Variants in AP3S1 observed in about 807,000 individuals in gnomAD.
AP3S1 encodes AP-3 complex subunit sigma-1.
AP3S1 carries 12 observed loss-of-function variants against 21.3 expected under a neutral mutation model. That is an observed-to-expected ratio of 0.56 (90% CI 0.36 to 0.91). The LOEUF (loss-of-function observed/expected upper bound fraction) is 0.91, where lower values mean the gene tolerates loss of function less well. AP3S1 is among the 40% of genes least tolerant of loss of function. The pLI is 0.01. For synonymous variants in AP3S1, 48 were observed against 78.4 expected (o/e 0.61, Z 2.05); for missense variants, 116 against 225.0 (o/e 0.52, Z 3.10).
intron 1 of AP3S1, among the ~76,000 whole-genome samples, chr5:115,854,040 T>C (rs1384213115): frequency 6.6e-6 from 1 of 152,130 alleles, no homozygotes; most frequent in Non-Finnish European, 1.5e-5. Context: ...CCACGTGTGG[T>C]GAGGGCCTTC....
chr5:115,898,940 G>A (rs910715465), intron 4 of AP3S1, among the ~76,000 whole-genome samples: 11 of 152,206 alleles, frequency 7.2e-5, no homozygotes, highest in Non-Finnish European at 1.2e-4. Context: ...GGGTGGCCCC[G>A]TGTTGTTGCC....
At chr5:115,887,919 A>G (rs1749940749) in intron 3 of AP3S1, among the ~76,000 whole-genome samples, 1 of 152,166 alleles carries the variant, frequency 6.6e-6, no homozygotes, top group African/African-American at 2.4e-5. Flanking sequence ...TATAACTAGA[A>G]TAGCATGGGA....
rs1457025622 is a variant in AP3S1, at chr5:115,841,936, G to C, written c.-102G>C. 39 of 1,504,392 alleles carry C rather than the reference G, an allele frequency of 2.6e-5. No homozygotes were observed. Among genetic ancestry groups the C allele is most frequent in the Non-Finnish European group, 3.3e-5 (37 of 1,126,906 alleles). 93.2% of individuals were successfully genotyped at this position (1,504,392 alleles called of 1,614,324 possible). A position where few individuals can be genotyped will look rare whatever the true frequency, so the allele number is the denominator to read the frequency against. ...GGAGCGCGCGCGGTCGCGTGCGGGA[G>C]GGGGCGGGTGGGGAAGGATCGCAGG... On this transcript the variant is annotated 5_prime_UTR_variant, in exon 1 of 6. Transcript: ENST00000316788.
chr5:115,866,937 A>G (rs1292827846), intron 2 of AP3S1, among the ~76,000 whole-genome samples, 176 bp downstream of exon 2: 4 of 152,132 alleles, frequency 2.6e-5, no homozygotes, highest in African/African-American at 9.6e-5. Flanking sequence ...AAGATATGCA[A>G]TCTTTTTTCC....
At chr5:115,894,368 A>T (rs1045425889) in intron 3 of AP3S1, among the ~76,000 whole-genome samples, 1 of 152,164 alleles carries the variant, frequency 6.6e-6, no homozygotes, top group African/African-American at 2.4e-5. Flanking sequence ...TATAAATCAC[A>T]TTATTAACAT....
intron 3 of AP3S1, among the ~76,000 whole-genome samples, chr5:115,884,389 C>T (rs761920528): frequency 3.9e-5 from 6 of 152,128 alleles, no homozygotes; most frequent in Non-Finnish European, 7.4e-5. Context: ...CATGGTGAAA[C>T]CCCGTCTCTA....
chr5:115,875,767 G>A (rs376898090), intron 3 of AP3S1, among the ~76,000 whole-genome samples: 1 of 152,200 alleles, frequency 6.6e-6, no homozygotes, highest in African/African-American at 2.4e-5. Context: ...AAAACTTTCT[G>A]TTTTCAGTAA....
intron 3 of AP3S1, among the ~76,000 whole-genome samples, chr5:115,882,238 C>T (rs1749362321): frequency 6.6e-6 from 1 of 151,968 alleles, no homozygotes; most frequent in East Asian, 1.9e-4. Context: ...AGTTTTGTTC[C>T]CTTGCTTTTG....
At chr5:115,849,134 G>A (rs770298193) in intron 1 of AP3S1, among the ~76,000 whole-genome samples, 1 of 152,136 alleles carries the variant, frequency 6.6e-6, no homozygotes, top group Non-Finnish European at 1.5e-5. Flanking sequence ...CTAAGCACTA[G>A]TAATACAGTG....
intron 5 of AP3S1, among the ~76,000 whole-genome samples, chr5:115,904,992 G>A (rs1751519285): frequency 6.6e-6 from 1 of 152,078 alleles, no homozygotes; most frequent in Admixed American, 6.6e-5. Context: ...TTCATTGGTG[G>A]TGGTCCTTCT....
intron 5 of AP3S1, among the ~76,000 whole-genome samples, chr5:115,909,720 T>A (rs1427683921): frequency 2.6e-5 from 4 of 152,242 alleles, no homozygotes; most frequent in African/African-American, 9.6e-5. Flanking sequence ...TTAAGAACTA[T>A]GTTGTACTGT....
At chr5:115,902,821 T>G in intron 4 of AP3S1, 64 bp from the exon 5 acceptor site, 2 of 1,196,012 alleles carry the variant, frequency 1.7e-6, no homozygotes, top group Non-Finnish European at 2.3e-6. Context: ...AAACAAAAAG[T>G]GAATCATGAA....
intron 3 of AP3S1, among the ~76,000 whole-genome samples, chr5:115,891,257 CCA>C (rs1192424543): frequency 6.6e-6 from 1 of 152,142 alleles, no homozygotes; most frequent in Non-Finnish European, 1.5e-5. Flanking sequence ...GCCTCTACTT[CCA>C]CAGTCACTCA....
intron 1 of AP3S1, among the ~76,000 whole-genome samples, chr5:115,848,348 A>G (rs992286790): frequency 1.3e-5 from 2 of 152,228 alleles, no homozygotes; most frequent in Non-Finnish European, 1.5e-5. Flanking sequence ...GACATTAATA[A>G]CACAAATAAA....
At chr5:115,854,291 G>T (rs1029870241) in intron 1 of AP3S1, among the ~76,000 whole-genome samples, 13 of 152,144 alleles carry the variant, frequency 8.5e-5, no homozygotes, top group African/African-American at 3.1e-4. Context: ...AATGGTTGAT[G>T]GTGGTTTAGG....
intron 1 of AP3S1, among the ~76,000 whole-genome samples, chr5:115,862,545 A>C (rs954185236): frequency 6.6e-6 from 1 of 152,242 alleles, no homozygotes; most frequent in Non-Finnish European, 1.5e-5. Context: ...AAGATGCAGT[A>C]TTAAATTATA....
chr5:115,900,495 G>A (rs1349178963), intron 4 of AP3S1, among the ~76,000 whole-genome samples: 4 of 152,134 alleles, frequency 2.6e-5, no homozygotes, highest in African/African-American at 9.7e-5. Context: ...TTCATTTCCT[G>A]TTCCAGACAT....
chr5:115,889,988 A>G (rs1328678475), intron 3 of AP3S1, among the ~76,000 whole-genome samples: 1 of 152,200 alleles, frequency 6.6e-6, no homozygotes, highest in African/African-American at 2.4e-5. Context: ...AAGTTAAAAG[A>G]TGGATAACAT....
intron 4 of AP3S1, among the ~76,000 whole-genome samples, chr5:115,899,801 A>G (rs989267046): frequency 3.3e-5 from 5 of 152,174 alleles, no homozygotes; most frequent in Admixed American, 2.6e-4. Flanking sequence ...TGAAGGATAC[A>G]TTTAACATCT....
Sources: gnomAD v4.1 joint callset for allele counts (sites outside exome capture counted in the v4.1 genomes callset) on GRCh38, gnomAD v4.1.1 for gene constraint, MANE v1.5 for transcripts, NCBI Gene and HGNC (gene_info 2026-07-23, HGNC 2026-07-21) for gene names.